Variants in DYM observed in about 807,000 individuals in gnomAD.
DYM encodes dymeclin, also known as dyggve-Melchior-Clausen syndrome protein.
In DYM, 78 loss-of-function variants were observed where a neutral mutation model predicts 93.1. That is an observed-to-expected ratio of 0.84 (90% CI 0.70 to 1.01). The LOEUF (loss-of-function observed/expected upper bound fraction) is 1.01, where lower values mean the gene tolerates loss of function less well. DYM is among the 50% of genes least tolerant of loss of function. DYM has a pLI of 0.00. For synonymous variants in DYM, 321 were observed against 319.7 expected (o/e 1.00, Z -0.04); for missense variants, 789 against 845.0 (o/e 0.93, Z 0.82).
At chr18:49,295,498 G>A (rs915137798) in intron 8 of DYM, among the ~76,000 whole-genome samples, 3 of 152,120 alleles carry the variant, frequency 2.0e-5, no homozygotes, top group Non-Finnish European at 2.9e-5. Flanking sequence ...CCATTGGCTA[G>A]AACCCAGGCA....
At chr18:49,190,792 C>G (rs988320705) in intron 14 of DYM, among the ~76,000 whole-genome samples, 13 of 152,142 alleles carry the variant, frequency 8.5e-5, no homozygotes, top group African/African-American at 2.4e-4. Context: ...CCCTACTCGT[C>G]CTCCCTCCTC....
intron 2 of DYM, chr18:49,418,079 A>AAAG (rs1380979060): frequency 6.6e-6 from 1 of 150,748 alleles, no homozygotes; most frequent in East Asian, 1.9e-4. Context: ...AAAAAAAAAA[A>AAAG]GATTATAAGC....
At chr18:49,105,738 T>C (rs2080725023) in intron 16 of DYM, among the ~76,000 whole-genome samples, 1 of 152,268 alleles carries the variant, frequency 6.6e-6, no homozygotes, top group Non-Finnish European at 1.5e-5. Flanking sequence ...TTCTTAATCC[T>C]GAGTTCTAGT....
At chr18:49,152,554 C>A (rs1277373300) in intron 15 of DYM, among the ~76,000 whole-genome samples, 1 of 152,088 alleles carries the variant, frequency 6.6e-6, no homozygotes, top group African/African-American at 2.4e-5. Context: ...ATTGGTACAA[C>A]CATTATGAAA....
intron 17 of DYM, among the ~76,000 whole-genome samples, chr18:49,077,872 G>C (rs767006771): frequency 6.6e-6 from 1 of 151,850 alleles, no homozygotes; most frequent in African/African-American, 2.4e-5. Flanking sequence ...ACAGTATATA[G>C]TTGGGTCTTA....
intron 15 of DYM, among the ~76,000 whole-genome samples, chr18:49,135,764 T>C (rs1402561043): frequency 4.6e-5 from 7 of 152,230 alleles, no homozygotes; most frequent in Admixed American, 6.5e-5. Flanking sequence ...TGCTCTAAGC[T>C]GTGAATCTGA....
chr18:49,334,257 AAAC>A (rs950874927), intron 6 of DYM, among the ~76,000 whole-genome samples: 4 of 152,204 alleles, frequency 2.6e-5, no homozygotes, highest in Admixed American at 1.3e-4. Flanking sequence ...GTAGGGAAGA[AAAC>A]AATGCCTTTT....
chr18:49,459,862 A>G (rs1600446352), intron 1 of DYM, among the ~76,000 whole-genome samples: 1 of 148,978 alleles, frequency 6.7e-6, no homozygotes, highest in Admixed American at 6.7e-5. Flanking sequence ...AAGTAGATCA[A>G]TAGTGTAGGG....
At chr18:49,395,930 G>C (rs969123470) in intron 2 of DYM, among the ~76,000 whole-genome samples, 5 of 152,194 alleles carry the variant, frequency 3.3e-5, no homozygotes, top group Non-Finnish European at 5.9e-5. Context: ...CATGGGGGCA[G>C]ATCCCTTATG....
Position 49,433,363 on chromosome 18 carries a change from C to T in DYM, c.-53-2916G>A, listed in dbSNP as rs138410702. Among the ~76,000 whole-genome samples, 13 of 152,166 alleles carry T rather than the reference C, an allele frequency of 8.5e-5. No individual in the cohort carries two copies. In the South Asian group the frequency reaches 1.2e-3, roughly 15 times the overall value. Reference sequence around the variant, plus strand: ...AGAAAGGTCATGTAATCATAGTATACGACTAAATTCAACAGTAATCAACAT... The same window carrying T: ...AGAAAGGTCATGTAATCATAGTATATGACTAAATTCAACAGTAATCAACAT... On this transcript the variant is annotated intron_variant, in intron 1 of 17. Transcript: ENST00000675505.
intron 1 of DYM, among the ~76,000 whole-genome samples, chr18:49,437,059 G>C (rs937698938): frequency 1.3e-5 from 2 of 152,034 alleles, no homozygotes; most frequent in African/African-American, 4.8e-5. Context: ...AAATTTGTCA[G>C]ATGTTTCTGT....
At chr18:49,097,346 A>T in intron 17 of DYM, 56 bp downstream of exon 17, 2 of 1,520,220 alleles carry the variant, frequency 1.3e-6, no homozygotes, top group South Asian at 2.3e-5. Context: ...TAAGACACTA[A>T]CATTTACATC....
chr18:49,376,575 T>A (rs1188693444), intron 5 of DYM, among the ~76,000 whole-genome samples: 1 of 152,252 alleles, frequency 6.6e-6, no homozygotes, highest in East Asian at 1.9e-4. Context: ...CTAAATGTTC[T>A]GCATGCCTTG....
intron 12 of DYM, among the ~76,000 whole-genome samples, chr18:49,257,922 C>T (rs1893530): frequency 1 from 151,573 of 152,260 alleles, 75,450 homozygotes; most frequent in Middle Eastern, 1. Flanking sequence ...TTTAATAATA[C>T]ATTTCTATTA....
chr18:49,139,412 C>T (rs546030620), intron 15 of DYM, among the ~76,000 whole-genome samples: 46 of 152,218 alleles, frequency 3.0e-4, no homozygotes, highest in African/African-American at 1.1e-3. Flanking sequence ...AAAAACGAGG[C>T]ATTCCCTCTT....
At chr18:49,133,023 A>G (rs138707689) in intron 15 of DYM, among the ~76,000 whole-genome samples, 1 of 152,222 alleles carries the variant, frequency 6.6e-6, no homozygotes, top group African/African-American at 2.4e-5. Context: ...CTGGTAGTTA[A>G]ACAATGTCTG....
chr18:49,055,046 G>C (rs978675054), intron 17 of DYM, among the ~76,000 whole-genome samples: 1 of 152,120 alleles, frequency 6.6e-6, no homozygotes, highest in Non-Finnish European at 1.5e-5. Context: ...CTTAATCTTC[G>C]GTTTTCAATT....
In DYM at chr18:49,440,423, T is replaced by C. The variant is rs1019077497; in HGVS notation, c.-53-9976A>G. ...AGCATATTATATATGCTATATAATA[T>C]ATATTTAGGAGTAAAGTGACTATAT... On this transcript the variant is annotated intron_variant, in intron 1 of 17. Transcript: ENST00000675505. Among the ~76,000 whole-genome samples, 29 of 120,234 alleles carry C rather than the reference T, an allele frequency of 2.4e-4. 2 individuals are homozygous for C. The highest frequency in any genetic ancestry group is 4.2e-4 in the Non-Finnish European group (26 of 61,276). 78.9% of individuals were successfully genotyped at this position (120,234 alleles called of 152,430 possible). A position where few individuals can be genotyped will look rare whatever the true frequency, so the allele number is the denominator to read the frequency against.
chr18:49,445,352 G>A (rs2082006331), intron 1 of DYM, among the ~76,000 whole-genome samples: 1 of 152,124 alleles, frequency 6.6e-6, no homozygotes, highest in Non-Finnish European at 1.5e-5. Context: ...TTAAACCCAG[G>A]TAGGATAGGT....
Sources: allele counts gnomAD v4.1 joint callset (sites outside exome capture counted in the v4.1 genomes callset), GRCh38; gene constraint gnomAD v4.1.1; transcripts MANE v1.5; gene names NCBI Gene and HGNC (gene_info 2026-07-23, HGNC 2026-07-21).